The following GRID2 variants were observed in gnomAD, a reference collection of about 807,000 sequenced individuals.
GRID2 encodes glutamate receptor ionotropic, delta-2.
A neutral mutation model predicts 114.8 loss-of-function variants in GRID2; 33 were observed. The ratio of observed to expected loss-of-function variants is 0.29; its 90% CI spans 0.22 to 0.38. The LOEUF is 0.38. Among genes scored for constraint, GRID2 ranks in the 10% least tolerant of loss-of-function variants. The pLI is 1.00. For missense variants in GRID2, 1,184 were observed against 1,257.7 expected, an observed-to-expected ratio of 0.94 and a Z score of 0.89; for synonymous variants, 505 against 449.9, an observed-to-expected ratio of 1.12 and a Z score of -1.55.
intron 2 of GRID2, among the ~76,000 whole-genome samples, chr4:92,896,484 G>T (rs1035572650): frequency 8.6e-5 from 13 of 151,474 alleles, no homozygotes; most frequent in Admixed American, 5.9e-4. Context: ...CAGGAATTCT[G>T]GTAACCTGAT....
rs147164753 is a variant in GRID2, at chr4:92,353,253, AT to A, written c.88+48519del. ...CCTGATTCTCTTTATTGCTTTATCA[AT>A]TTTTTTTTTCATTTTTCAACTTAAT... On this transcript the variant is annotated intron_variant, in intron 1 of 15. Coordinates refer to ENST00000282020, the MANE Select transcript of GRID2 (RefSeq NM_001510.4). 1.6e-3 allele frequency among the ~76,000 whole-genome samples: 228 copies of A among 145,064 alleles called. 1 individual carries two copies. The East Asian group carries it at 0.025, about 16-fold the overall frequency.
At chr4:93,633,271 T>A (rs1721100386) in intron 14 of GRID2, among the ~76,000 whole-genome samples, 2 of 151,936 alleles carry the variant, frequency 1.3e-5, no homozygotes, top group Non-Finnish European at 1.5e-5. Flanking sequence ...TTTTTTCCTA[T>A]TAAGTATTAG....
At chr4:93,375,373 C>T (rs1471362180) in intron 8 of GRID2, among the ~76,000 whole-genome samples, 1 of 151,788 alleles carries the variant, frequency 6.6e-6, no homozygotes, top group South Asian at 2.1e-4. Flanking sequence ...CCACCACGCC[C>T]GGCTAATTTT....
At chr4:92,791,374 ATAACT>A (rs1164338915) in intron 2 of GRID2, among the ~76,000 whole-genome samples, 1 of 151,838 alleles carries the variant, frequency 6.6e-6, no homozygotes, top group African/African-American at 2.4e-5. Flanking sequence ...GGCTGATGTG[ATAACT>A]TAAAAAAATC....
intron 2 of GRID2, among the ~76,000 whole-genome samples, chr4:92,994,754 G>C (rs1391379924): frequency 2.0e-5 from 3 of 152,150 alleles, no homozygotes; most frequent in African/African-American, 7.2e-5. Context: ...ATGTTTTAAA[G>C]GCAAACACCA....
intron 2 of GRID2, among the ~76,000 whole-genome samples, chr4:93,015,385 G>A (rs1282021353): frequency 6.6e-6 from 1 of 152,166 alleles, no homozygotes; most frequent in Non-Finnish European, 1.5e-5. Flanking sequence ...GCCACATTGT[G>A]TGGGCACAAG....
At chr4:92,306,341 G>A (rs74568050) in intron 1 of GRID2, among the ~76,000 whole-genome samples, 13 of 152,254 alleles carry the variant, frequency 8.5e-5, no homozygotes, top group African/African-American at 3.1e-4. Flanking sequence ...TTTTGCCTGG[G>A]GGCTAACAGT....
chr4:93,697,733 G>T (rs1311532977), intron 14 of GRID2, among the ~76,000 whole-genome samples: 1 of 142,764 alleles, frequency 7.0e-6, no homozygotes, highest in Non-Finnish European at 1.5e-5. Context: ...TTATAACAAG[G>T]TGACTATAGT....
At chr4:92,570,923 T>G (rs1161250054) in intron 1 of GRID2, among the ~76,000 whole-genome samples, 1 of 152,092 alleles carries the variant, frequency 6.6e-6, no homozygotes, top group Non-Finnish European at 1.5e-5. Flanking sequence ...TGTCTTTGTA[T>G]TTGAATGTCT....
rs1483931296 is a variant in GRID2, at chr4:92,629,364, A to G, written c.244+39078A>G. Among the ~76,000 whole-genome samples, 12 of 152,226 alleles carry G rather than the reference A, an allele frequency of 7.9e-5. No individual in the cohort carries two copies. In the East Asian group the frequency reaches 2.3e-3, roughly 29 times the overall value. ...GGTGCTCCATCTTAGTATGGACACC[A>G]TATAAGATCATTTCAAACCTCCTCA... On this transcript the variant is annotated intron_variant, in intron 2 of 15. Transcript: ENST00000282020.
chr4:93,481,003 C>T (rs1158419761), intron 11 of GRID2, among the ~76,000 whole-genome samples: 1 of 151,948 alleles, frequency 6.6e-6, no homozygotes, highest in East Asian at 1.9e-4. Context: ...TTACTACCAC[C>T]CCCTGCCCAA....
intron 2 of GRID2, among the ~76,000 whole-genome samples, chr4:92,688,258 C>T (rs965374124): frequency 2.6e-5 from 4 of 151,288 alleles, no homozygotes; most frequent in Non-Finnish European, 5.9e-5. Context: ...CTATTTTGGC[C>T]AGGCTGGTCT....
chr4:92,979,384 T>C (rs1419465996), intron 2 of GRID2, among the ~76,000 whole-genome samples: 2 of 152,000 alleles, frequency 1.3e-5, no homozygotes, highest in Admixed American at 6.6e-5. Flanking sequence ...TACTGTTCTA[T>C]ACTTTTGATA....
intron 6 of GRID2, among the ~76,000 whole-genome samples, chr4:93,218,377 T>A (rs1744480033): frequency 6.6e-6 from 1 of 151,916 alleles, no homozygotes; most frequent in Non-Finnish European, 1.5e-5. Context: ...GGTGGTATCC[T>A]CCTGTAGTCC....
intron 2 of GRID2, among the ~76,000 whole-genome samples, chr4:92,693,235 C>T (rs985597895): frequency 5.3e-5 from 8 of 152,018 alleles, no homozygotes; most frequent in Admixed American, 3.9e-4. Context: ...CATCCAGTGA[C>T]CTTTCCTGAT....
intron 6 of GRID2, among the ~76,000 whole-genome samples, chr4:93,220,043 G>T (rs946218413): frequency 5.3e-5 from 8 of 151,996 alleles, no homozygotes; most frequent in Non-Finnish European, 8.8e-5. Flanking sequence ...CTTAGGAAGA[G>T]GACCAAGGTA....
intron 4 of GRID2, among the ~76,000 whole-genome samples, chr4:93,112,811 A>G (rs926856318): frequency 6.6e-6 from 1 of 152,072 alleles, no homozygotes; most frequent in Non-Finnish European, 1.5e-5. Flanking sequence ...TGGCTTGTAG[A>G]TGAATTCTTT....
chr4:92,918,082 GT>G (rs1274691531), intron 2 of GRID2, among the ~76,000 whole-genome samples: 1 of 152,076 alleles, frequency 6.6e-6, no homozygotes, highest in Non-Finnish European at 1.5e-5. Flanking sequence ...TTGTAAGTTG[GT>G]TTCCTAGGTA....
At chr4:92,540,037 A>G (rs2149161495) in intron 1 of GRID2, among the ~76,000 whole-genome samples, 1 of 152,238 alleles carries the variant, frequency 6.6e-6, no homozygotes, top group Admixed American at 6.5e-5. Flanking sequence ...CAAAAACAAG[A>G]AATGGGGAAA....
Sources: allele counts gnomAD v4.1 joint callset (sites outside exome capture counted in the v4.1 genomes callset), GRCh38; gene constraint gnomAD v4.1.1; transcripts MANE v1.5; gene names NCBI Gene and HGNC (gene_info 2026-07-23, HGNC 2026-07-21).